The following RGS5 variants were observed in gnomAD, a reference collection of about 807,000 sequenced individuals.
The protein encoded by RGS5 is regulator of G protein signaling 5, also known as regulator of G-protein signalling 5.
A neutral mutation model predicts 18.9 loss-of-function variants in RGS5; 20 were observed. That is an observed-to-expected ratio of 1.06 (90% CI 0.74 to 1.54). The LOEUF (loss-of-function observed/expected upper bound fraction) is 1.54. RGS5 is among the 40% of genes most tolerant of loss of function. The pLI is 0.00. For synonymous variants in RGS5, 57 were observed against 76.2 expected, an observed-to-expected ratio of 0.75 and a Z score of 1.31; for missense variants, 201 against 211.8, an observed-to-expected ratio of 0.95 and a Z score of 0.32.
intron 1 of RGS5, among the ~76,000 whole-genome samples, chr1:163,320,117 C>T (rs185309899): frequency 3.9e-5 from 6 of 152,158 alleles, no homozygotes; most frequent in African/African-American, 1.2e-4. Flanking sequence ...TCTTCCTTTG[C>T]CTCATTTTTC....
intron 2 of RGS5, among the ~76,000 whole-genome samples, chr1:163,228,477 AG>A (rs1647390719): frequency 6.6e-6 from 1 of 152,034 alleles, no homozygotes; most frequent in Admixed American, 6.6e-5. Context: ...GCACACAGCA[AG>A]GGGGCCCTGG....
At chr1:163,208,421 G>A (rs1272391973) in intron 1 of RGS5, among the ~76,000 whole-genome samples, 3 of 142,408 alleles carry the variant, frequency 2.1e-5, no homozygotes, top group Admixed American at 7.2e-5. Flanking sequence ...AGTAGGCTGA[G>A]GCAGGAGGAT....
intron 1 of RGS5, among the ~76,000 whole-genome samples, chr1:163,174,961 A>G (rs1285277891): frequency 2.0e-5 from 3 of 152,170 alleles, no homozygotes; most frequent in Non-Finnish European, 4.4e-5. Context: ...TTTAAATTCA[A>G]TGCAATTTAA....
chr1:163,290,282 T>G (rs1198689504), intron 2 of RGS5, among the ~76,000 whole-genome samples: 3 of 152,182 alleles, frequency 2.0e-5, no homozygotes, highest in Non-Finnish European at 4.4e-5. Flanking sequence ...ATTAAACCTC[T>G]GCTCTTAAAG....
At chr1:163,292,977 C>G (rs745532511) in intron 2 of RGS5, among the ~76,000 whole-genome samples, 2 of 152,060 alleles carry the variant, frequency 1.3e-5, no homozygotes, top group Non-Finnish European at 2.9e-5. Flanking sequence ...TGTCTGTTTA[C>G]TCTGTTGATA....
chr1:163,154,668 T>C lies in RGS5; in HGVS notation c.218-1952A>G, dbSNP rs1423343432. Among the ~76,000 whole-genome samples, 9 of 152,056 alleles carry C rather than the reference T, an allele frequency of 5.9e-5. No homozygotes were observed. The East Asian group carries it at 9.7e-4, about 16-fold the overall frequency. ...ACCTGTAACTGGATAAAATCAGGTG[T>C]ATTTTCTCTCTCTTCTAATATTTCC... On this transcript the variant is annotated intron_variant, in intron 3 of 4. Transcript: ENST00000313961.
At chr1:163,187,330 A>T (rs1041654037) in intron 1 of RGS5, among the ~76,000 whole-genome samples, 1 of 152,202 alleles carries the variant, frequency 6.6e-6, no homozygotes, top group Non-Finnish European at 1.5e-5. Context: ...ATGGCCCCCT[A>T]GTCACATATA....
chr1:163,152,673 A>G lies in RGS5; in HGVS notation c.261T>C (p.Ser87=), dbSNP rs760969673. The part of the protein sequence containing the change: ...SFKSFLKSEF[S]EENLEFWIAC... ...CAATCCAGAACTCAAGGTTTTCCTCACTGAATTCAGACTTCAGGAAACTTT... is the reference window on the plus strand; with the variant it reads ...CAATCCAGAACTCAAGGTTTTCCTCGCTGAATTCAGACTTCAGGAAACTTT... Residue 87 remains serine (S), a synonymous_variant, in exon 4 of 5, where the codon AGT becomes AGC. Coordinates refer to ENST00000313961, the MANE Select transcript of RGS5 (RefSeq NM_003617.4). 8.1e-6 allele frequency: 13 copies of G among 1,610,324 alleles called. No homozygotes were observed. Among genetic ancestry groups the G allele is most frequent in the Middle Eastern group, 1.7e-4 (1 of 6,042 alleles).
chr1:163,243,473 C>G (rs1170428626), intron 2 of RGS5, among the ~76,000 whole-genome samples: 3 of 151,794 alleles, frequency 2.0e-5, no homozygotes, highest in Admixed American at 1.3e-4. Flanking sequence ...CAGTGAAACC[C>G]TGTCTCTACT....
At chr1:163,195,754 A>T (rs1046102852) in intron 1 of RGS5, among the ~76,000 whole-genome samples, 4 of 152,074 alleles carry the variant, frequency 2.6e-5, no homozygotes, top group African/African-American at 9.7e-5. Flanking sequence ...TAATTGACTG[A>T]CTTAAATTAT....
intron 1 of RGS5, among the ~76,000 whole-genome samples, chr1:163,174,694 A>G (rs982341692): frequency 2.0e-5 from 3 of 152,208 alleles, no homozygotes; most frequent in Non-Finnish European, 4.4e-5. Context: ...GGATAATTGC[A>G]ATCACTAGCA....
chr1:163,158,344 A>G (rs1002816196), intron 3 of RGS5, among the ~76,000 whole-genome samples: 4 of 152,186 alleles, frequency 2.6e-5, no homozygotes, highest in African/African-American at 9.6e-5. Context: ...CATGGGGAGA[A>G]GCAGAGACAG....
At chr1:163,204,951 A>G (rs1336410846), upstream of RGS5, among the ~76,000 whole-genome samples, 1 of 152,182 alleles carries the variant, frequency 6.6e-6, no homozygotes, top group Non-Finnish European at 1.5e-5. Context: ...GACTGTCCCA[A>G]AGGAGTTCAT....
intron 1 of RGS5, among the ~76,000 whole-genome samples, chr1:163,312,100 G>A (rs1183276835): frequency 6.6e-6 from 1 of 152,202 alleles, no homozygotes; most frequent in Admixed American, 6.5e-5. Context: ...GGATCACGGG[G>A]GTGGTTTCCT....
At chr1:163,264,774 T>A (rs1445819863) in intron 2 of RGS5, among the ~76,000 whole-genome samples, 1 of 152,146 alleles carries the variant, frequency 6.6e-6, no homozygotes, top group African/African-American at 2.4e-5. Flanking sequence ...CAACCTGCTC[T>A]TTAACCTCAT....
chr1:163,171,776 G>T (rs185394606), intron 1 of RGS5, among the ~76,000 whole-genome samples: 43 of 152,316 alleles, frequency 2.8e-4, no homozygotes, highest in South Asian at 8.3e-4. Flanking sequence ...CATGTTTACT[G>T]TGTCAGGCAG....
intron 2 of RGS5, among the ~76,000 whole-genome samples, chr1:163,270,396 T>C (rs1648688913): frequency 6.8e-6 from 1 of 147,410 alleles, no homozygotes; most frequent in Non-Finnish European, 1.5e-5. Context: ...GGTGCACATC[T>C]ATAATCCCAG....
chr1:163,162,643 T>A (rs982222744), intron 2 of RGS5: 1 of 152,122 alleles, frequency 6.6e-6, no homozygotes, highest in South Asian at 2.1e-4. Context: ...AGGAATGTTA[T>A]ACACAAATGC....
intron 2 of RGS5, among the ~76,000 whole-genome samples, chr1:163,280,865 A>C (rs997771806): frequency 2.6e-5 from 4 of 152,244 alleles, no homozygotes; most frequent in African/African-American, 9.6e-5. Context: ...TCTGACTTTA[A>C]AATATACTAC....
Sources: gnomAD v4.1 joint callset for allele counts (sites outside exome capture counted in the v4.1 genomes callset) on GRCh38, gnomAD v4.1.1 for gene constraint, MANE v1.5 for transcripts, NCBI Gene and HGNC (gene_info 2026-07-23, HGNC 2026-07-21) for gene names.